Variants in ZFHX3 observed in about 807,000 individuals in gnomAD.
ZFHX3 encodes the protein zinc finger homeobox 3.
In ZFHX3, 42 loss-of-function variants were observed where a neutral mutation model predicts 279.1. That is an observed-to-expected ratio of 0.15 (90% CI 0.12 to 0.19). ZFHX3 has a LOEUF of 0.19. Among genes scored for constraint, ZFHX3 ranks in the 10% least tolerant of loss-of-function variants. The probability of loss-of-function intolerance (pLI) is 1.00; values close to 1 mark genes in which losing one functional copy is unlikely to be tolerated. For missense variants in ZFHX3, 4,981 were observed against 4,754.0 expected (o/e 1.05, Z -1.40); for synonymous variants, 2,293 against 1,957.8 (o/e 1.17, Z -4.52).
intron 1 of ZFHX3, among the ~76,000 whole-genome samples, chr16:73,754,792 T>G (rs2142274098): frequency 6.6e-6 from 1 of 152,326 alleles, no homozygotes; most frequent in Admixed American, 6.5e-5. Context: ...CAGAGGGTTT[T>G]TTAAAATGAC....
At chr16:73,046,356 G>A (rs1236028804) in intron 1 of ZFHX3, among the ~76,000 whole-genome samples, 1 of 152,170 alleles carries the variant, frequency 6.6e-6, no homozygotes, top group Non-Finnish European at 1.5e-5. Context: ...ATAACAAGGA[G>A]CAGACTCATG....
At chr16:73,836,126 C>T (rs983788479) in intron 1 of ZFHX3, among the ~76,000 whole-genome samples, 1 of 152,200 alleles carries the variant, frequency 6.6e-6, no homozygotes, top group African/African-American at 2.4e-5. Context: ...AAATGTAGCA[C>T]TAGGAACTTT....
intron 3 of ZFHX3, among the ~76,000 whole-genome samples, chr16:73,449,547 G>A (rs117621785): frequency 5.8e-4 from 88 of 152,124 alleles, no homozygotes; most frequent in Non-Finnish European, 3.7e-4. Context: ...AATAAAATTC[G>A]CCTAATAAAG....
intron 1 of ZFHX3, among the ~76,000 whole-genome samples, chr16:73,812,344 C>T (rs1960450334): frequency 6.6e-6 from 1 of 152,188 alleles, no homozygotes; most frequent in Admixed American, 6.5e-5. Flanking sequence ...GTCCTCCTGG[C>T]ATAATAAATT....
At chr16:73,595,565 A>G (rs746219075) in intron 2 of ZFHX3, among the ~76,000 whole-genome samples, 2 of 151,988 alleles carry the variant, frequency 1.3e-5, no homozygotes, top group Admixed American at 6.6e-5. Flanking sequence ...GCCTTTGTCC[A>G]TTTTGACTCT....
intron 3 of ZFHX3, among the ~76,000 whole-genome samples, chr16:73,333,280 G>A (rs948223511): frequency 1.3e-5 from 2 of 152,004 alleles, no homozygotes; most frequent in Non-Finnish European, 2.9e-5. Flanking sequence ...CAGTTACATA[G>A]ATAGACACGT....
At chr16:73,627,748 C>G (rs1335078195) in intron 2 of ZFHX3, among the ~76,000 whole-genome samples, 1 of 152,118 alleles carries the variant, frequency 6.6e-6, no homozygotes, top group African/African-American at 2.4e-5. Flanking sequence ...GAAACCCTGT[C>G]TCTACTAAAA....
At chr16:72,981,653 G>C (rs1962604269) in intron 1 of ZFHX3, among the ~76,000 whole-genome samples, 1 of 152,026 alleles carries the variant, frequency 6.6e-6, no homozygotes, top group Admixed American at 6.6e-5. Flanking sequence ...AGTGGTAAGT[G>C]GGCTTCTGGC....
At chr16:73,480,467 C>T (rs1372057041) in intron 2 of ZFHX3, among the ~76,000 whole-genome samples, 1 of 152,180 alleles carries the variant, frequency 6.6e-6, no homozygotes, top group Non-Finnish European at 1.5e-5. Context: ...CCTGCCACTG[C>T]TAAGGATGAG....
At chr16:72,951,047 C>T in intron 2 of ZFHX3, 82 bp from the exon 3 acceptor site, 1 of 1,536,258 alleles carries the variant, frequency 6.5e-7, no homozygotes, top group South Asian at 1.2e-5. Flanking sequence ...AGCCCTCCGC[C>T]ACCCTCAACT....
At chr16:73,764,916 T>C (rs1056496335) in intron 1 of ZFHX3, among the ~76,000 whole-genome samples, 1 of 152,208 alleles carries the variant, frequency 6.6e-6, no homozygotes, top group Non-Finnish European at 1.5e-5. Context: ...CTGTTTTGTG[T>C]CCTCTAGAAG....
At chr16:73,818,699 G>T (rs971176333) in intron 1 of ZFHX3, among the ~76,000 whole-genome samples, 1 of 152,204 alleles carries the variant, frequency 6.6e-6, no homozygotes, top group African/African-American at 2.4e-5. Context: ...GGAGATGAAA[G>T]TCTGCATTGT....
intron 1 of ZFHX3, among the ~76,000 whole-genome samples, chr16:73,035,496 G>A (rs1042954575): frequency 5.9e-5 from 9 of 152,156 alleles, no homozygotes; most frequent in Admixed American, 4.6e-4. Flanking sequence ...ACTTTTAAAT[G>A]GGCTGAACAA....
chr16:73,539,645 G>A (rs977817330), intron 2 of ZFHX3, among the ~76,000 whole-genome samples: 2 of 151,970 alleles, frequency 1.3e-5, no homozygotes, highest in Admixed American at 6.6e-5. Flanking sequence ...AATAAAAGAA[G>A]AAGGGCGCAC....
chr16:73,349,192 A>T (rs1305817809), intron 3 of ZFHX3, among the ~76,000 whole-genome samples: 1 of 152,146 alleles, frequency 6.6e-6, no homozygotes, highest in Non-Finnish European at 1.5e-5. Flanking sequence ...GGTATCAAAC[A>T]TCTTAAAATC....
At chr16:73,179,792 C>A (rs1255379519) in intron 5 of ZFHX3, among the ~76,000 whole-genome samples, 1 of 152,148 alleles carries the variant, frequency 6.6e-6, no homozygotes, top group African/African-American at 2.4e-5. Context: ...TTTGTCTGCT[C>A]CGCTTTTAGC....
chr16:72,811,931 T>C lies in ZFHX3; in HGVS notation c.3637A>G (p.Thr1213Ala), dbSNP rs1360838811. 6.2e-7 allele frequency: 1 copy of C among 1,613,308 alleles called. No individual in the cohort carries two copies. The highest frequency in any genetic ancestry group is 1.3e-5 in the African/African-American group (1 of 74,820). ...TGCTCCGGTTTGATCTCCTCAGCTG[T>C]TTTTGGTCGCTTCGAAGAGAGGGGA... ...ESPLSSKRPK[T>A]AEEIKPEQMY... The change falls in exon 6 of 10, where the codon ACA (threonine) becomes GCA (alanine). Residue 1213 changes from threonine to alanine, a missense_variant. Thr to Ala is a moderately conservative substitution (Grantham distance 58, BLOSUM62 0). Around this residue, in one of 7 missense-constraint regions of ZFHX3, gnomAD observed 1,751 missense variants for 1,770.0 expected, o/e 0.99. Transcript: ENST00000268489.
At chr16:73,249,939 A>G (rs913045150) in intron 5 of ZFHX3, among the ~76,000 whole-genome samples, 17 of 152,194 alleles carry the variant, frequency 1.1e-4, no homozygotes, top group African/African-American at 3.4e-4. Flanking sequence ...CTTGGCCAAC[A>G]TTGAAGTCTC....
chr16:73,674,495 G>C (rs2052934410), intron 2 of ZFHX3, among the ~76,000 whole-genome samples: 1 of 152,234 alleles, frequency 6.6e-6, no homozygotes. Context: ...GTCAAGAATA[G>C]ACAACACTCA....
Sources: allele counts gnomAD v4.1 joint callset (sites outside exome capture counted in the v4.1 genomes callset), GRCh38; gene constraint gnomAD v4.1.1; regional missense constraint gnomAD v4.1.1; transcripts MANE v1.5; gene names NCBI Gene and HGNC (gene_info 2026-07-23, HGNC 2026-07-21).